SMOC2: variants seen among roughly 807,000 people sequenced by gnomAD.
SMOC2 encodes the protein SPARC-related modular calcium-binding protein 2.
A neutral mutation model predicts 61.4 loss-of-function variants in SMOC2; 39 were observed. That is an observed-to-expected ratio of 0.64 (90% confidence interval 0.49 to 0.83). The LOEUF (loss-of-function observed/expected upper bound fraction) is 0.83, where lower values mean the gene tolerates loss of function less well. SMOC2 is among the 40% of genes least tolerant of loss of function. SMOC2 has a pLI of 0.00. For synonymous variants in SMOC2, 247 were observed against 239.9 expected (o/e 1.03, Z -0.27); for missense variants, 556 against 592.9 (o/e 0.94, Z 0.65).
At chr6:168,641,437 A>G (rs903813693) in intron 9 of SMOC2, among the ~76,000 whole-genome samples, 2 of 152,222 alleles carry the variant, frequency 1.3e-5, no homozygotes, top group African/African-American at 2.4e-5. Flanking sequence ...CTTTTTACCA[A>G]GCATTTTGTT....
intron 1 of SMOC2, among the ~76,000 whole-genome samples, chr6:168,443,362 A>T (rs944964929): frequency 1.3e-5 from 2 of 152,084 alleles, no homozygotes; most frequent in Non-Finnish European, 2.9e-5. Flanking sequence ...TGCCCCCTTG[A>T]GGTTGCCCCA....
At chr6:168,503,826 A>G (rs531796119) in intron 1 of SMOC2, among the ~76,000 whole-genome samples, 79 of 152,216 alleles carry the variant, frequency 5.2e-4, no homozygotes, top group African/African-American at 1.8e-3. Flanking sequence ...CTAGTGCATC[A>G]GGGAGGATCA....
intron 1 of SMOC2, among the ~76,000 whole-genome samples, chr6:168,485,879 T>G (rs1353859545): frequency 6.6e-6 from 1 of 152,210 alleles, no homozygotes; most frequent in Non-Finnish European, 1.5e-5. Context: ...AAACTCTCCC[T>G]TATAGGTTCC....
intron 7 of SMOC2, among the ~76,000 whole-genome samples, chr6:168,558,898 T>C (rs1188353351): frequency 5.3e-5 from 8 of 152,122 alleles, no homozygotes; most frequent in Non-Finnish European, 8.8e-5. Flanking sequence ...CGTGTGCATG[T>C]GTGTGCACGT....
chr6:168,644,732 C>T (rs907121785), intron 9 of SMOC2, among the ~76,000 whole-genome samples: 10 of 150,990 alleles, frequency 6.6e-5, no homozygotes, highest in Non-Finnish European at 1.0e-4. Context: ...TCACTGCAAC[C>T]TCCACCTCCC....
At chr6:168,643,886 C>T (rs111999249) in intron 9 of SMOC2, among the ~76,000 whole-genome samples, 2,337 of 152,278 alleles carry the variant, frequency 0.015, 73 homozygotes, top group African/African-American at 0.053. Flanking sequence ...GGGTGACATG[C>T]ACACGGCCCC....
intron 7 of SMOC2, among the ~76,000 whole-genome samples, chr6:168,584,393 G>A (rs575076485): frequency 5.3e-5 from 8 of 152,320 alleles, no homozygotes; most frequent in African/African-American, 1.7e-4. Context: ...AGGCCCACAA[G>A]TGTTCTTATA....
chr6:168,477,519 T>C (rs960942027), intron 1 of SMOC2, among the ~76,000 whole-genome samples: 2 of 152,234 alleles, frequency 1.3e-5, no homozygotes, highest in African/African-American at 4.8e-5. Flanking sequence ...AATTGACAAG[T>C]ACAGAGGAAA....
chr6:168,475,497 G>A lies in SMOC2; in HGVS notation c.84+34043G>A, dbSNP rs972421930. ...GTCTCATGCGGGCTCTGAGCAAGAC[G>A]GGTGAGATGTTCTGTAAACCTGTGG... On this transcript the variant is annotated intron_variant, in intron 1 of 12. Coordinates refer to ENST00000356284, the MANE Select transcript of SMOC2 (RefSeq NM_001166412.2). The surrounding 1 kb of genome is among the most constrained non-coding windows in gnomAD (Gnocchi z 4.6). Among the ~76,000 whole-genome samples the A allele has an allele frequency of 6.6e-6, 1 of 152,122 alleles. No individual in the cohort carries two copies. Among genetic ancestry groups the A allele is most frequent in the East Asian group, 1.9e-4 (1 of 5,182 alleles).
intron 9 of SMOC2, among the ~76,000 whole-genome samples, chr6:168,633,560 C>T (rs921090504): frequency 1.3e-5 from 2 of 152,024 alleles, no homozygotes; most frequent in Admixed American, 6.6e-5. Flanking sequence ...TTAAGAATTA[C>T]CCCAAACAAA....
intron 9 of SMOC2, among the ~76,000 whole-genome samples, chr6:168,647,667 G>A (rs182814597): frequency 7.9e-4 from 121 of 152,318 alleles, no homozygotes; most frequent in African/African-American, 2.8e-3. Context: ...ATCTCAGGGT[G>A]ATGAAATTTT....
chr6:168,530,637 A>ACCCCCCC (rs3064057), intron 4 of SMOC2, among the ~76,000 whole-genome samples: 108 of 120,238 alleles, frequency 9.0e-4, no homozygotes, highest in African/African-American at 3.1e-3. Flanking sequence ...TCACGGTGCA[A>ACCCCCCC]CCCCCCCCCC....
chr6:168,517,695 C>T (rs1185967692), intron 2 of SMOC2, among the ~76,000 whole-genome samples: 1 of 152,218 alleles, frequency 6.6e-6, no homozygotes, highest in African/African-American at 2.4e-5. Flanking sequence ...CCCTGCGGCT[C>T]GCAGCTTCTT....
Position 168,542,130 on chromosome 6 carries a change from G to C in SMOC2, c.464-1495G>C, listed in dbSNP as rs112044905. ...GTAGAAAATACTTTTTGCCTCTTTC[G>C]GGAACACATGATAAAAATAAACTGA... On this transcript the variant is annotated intron_variant, in intron 4 of 12. Coordinates refer to ENST00000356284, the MANE Select transcript of SMOC2 (RefSeq NM_001166412.2). Among the ~76,000 whole-genome samples the C allele has an allele frequency of 6.3e-3, 963 of 152,058 alleles. 17 individuals are homozygous for C. The highest frequency in any genetic ancestry group is 0.022 in the African/African-American group (901 of 41,472).
At chr6:168,585,646 T>C (rs1453024610) in intron 7 of SMOC2, among the ~76,000 whole-genome samples, 2 of 152,224 alleles carry the variant, frequency 1.3e-5, no homozygotes, top group East Asian at 1.9e-4. Flanking sequence ...CTCCCACTGC[T>C]CCTCAGCTCA....
intron 7 of SMOC2, among the ~76,000 whole-genome samples, chr6:168,583,911 C>T (rs913028858): frequency 6.6e-5 from 10 of 151,878 alleles, no homozygotes; most frequent in African/African-American, 1.7e-4. Flanking sequence ...GCCTTGCAGC[C>T]GCTCCGTCAG....
At chr6:168,563,855 C>G (rs1056103845) in intron 7 of SMOC2, among the ~76,000 whole-genome samples, 1 of 152,008 alleles carries the variant, frequency 6.6e-6, no homozygotes, top group Non-Finnish European at 1.5e-5. Context: ...TCCTCCCAAC[C>G]GGAGGCTCGG....
At position 168,543,660 on chromosome 6, in the gene SMOC2, A is replaced by G. The variant is rs779637425; in HGVS notation, c.499A>G (p.Thr167Ala). 16 of 1,613,694 alleles carry G rather than the reference A, an allele frequency of 9.9e-6. No homozygotes were observed. Among genetic ancestry groups the G allele is most frequent in the Non-Finnish European group, 1.3e-5 (15 of 1,179,592 alleles). ...TGAAAAGTTACCCCAACGCGAAGGC[A>G]CAGGAAAAACAGGTAACTATCTTAG... ...VNEKLPQREG[T>A]GKTDDAAAPA... Residue 167 changes from threonine (T) to alanine (A), a missense_variant, in exon 5 of 13, where the codon ACA becomes GCA. By Grantham distance (58) the Thr-to-Ala change is moderately conservative. Transcript: ENST00000356284.
intron 1 of SMOC2, among the ~76,000 whole-genome samples, chr6:168,492,536 G>C (rs140398440): frequency 2.3e-3 from 345 of 152,326 alleles, no homozygotes; most frequent in Non-Finnish European, 3.8e-3. Context: ...CCAGTGATAA[G>C]GGTGAAAAAG....
Sources: allele counts gnomAD v4.1 joint callset (sites outside exome capture counted in the v4.1 genomes callset), GRCh38; gene constraint gnomAD v4.1.1; non-coding constraint Gnocchi (gnomAD v3.1); transcripts MANE v1.5; gene names NCBI Gene and HGNC (gene_info 2026-07-23, HGNC 2026-07-21).